TRDN: variants seen among roughly 807,000 people sequenced by gnomAD.
TRDN encodes triadin in skeletal muscle.
A neutral mutation model predicts 149.7 loss-of-function variants in TRDN; 161 were observed. That is an observed-to-expected ratio of 1.08 (90% CI 0.95 to 1.23). The LOEUF is 1.23. Ranked by LOEUF, TRDN falls within the 50% of genes most tolerant of loss-of-function variation. The probability of loss-of-function intolerance (pLI) is 0.00; values close to 1 mark genes in which losing one functional copy is unlikely to be tolerated. For missense variants in TRDN, 896 were observed against 823.5 expected, an observed-to-expected ratio of 1.09 and a Z score of -1.08; for synonymous variants, 294 against 250.5, an observed-to-expected ratio of 1.17 and a Z score of -1.64.
intron 25 of TRDN, 93 bp from the exon 26 acceptor site, chr6:123,278,440 CTA>C: frequency 3.8e-6 from 3 of 799,822 alleles, no homozygotes; most frequent in Middle Eastern, 4.5e-4. Context: ...TAATTATTTT[CTA>C]TGTTATTCAT....
intron 1 of TRDN, among the ~76,000 whole-genome samples, chr6:123,599,192 C>G (rs540270956): frequency 1.1e-4 from 16 of 152,226 alleles, no homozygotes; most frequent in Admixed American, 2.0e-4. Flanking sequence ...CAATGTCTCT[C>G]TGAGGGGAAA....
intron 21 of TRDN, among the ~76,000 whole-genome samples, chr6:123,341,561 C>G (rs1780063606): frequency 6.6e-6 from 1 of 151,610 alleles, no homozygotes; most frequent in South Asian, 2.1e-4. Context: ...AACTGGACAA[C>G]CCAATTAAAA....
At chr6:123,511,741 C>T (rs1040688844) in intron 7 of TRDN, among the ~76,000 whole-genome samples, 1 of 152,126 alleles carries the variant, frequency 6.6e-6, no homozygotes, top group African/African-American at 2.4e-5. Context: ...ATCAAGTTGT[C>T]ACCTAGGCTT....
intron 20 of TRDN, among the ~76,000 whole-genome samples, chr6:123,354,995 C>T (rs1780605396): frequency 6.6e-6 from 1 of 151,752 alleles, no homozygotes; most frequent in South Asian, 2.1e-4. Flanking sequence ...AGTAGTATCA[C>T]ATTTTGGCTT....
At chr6:123,509,007 G>A (rs1186412567) in intron 7 of TRDN, among the ~76,000 whole-genome samples, 1 of 151,640 alleles carries the variant, frequency 6.6e-6, no homozygotes. Context: ...AAAATAAAAA[G>A]CATATACTGT....
intron 10 of TRDN, among the ~76,000 whole-genome samples, chr6:123,443,791 G>A (rs1179066837): frequency 6.8e-6 from 1 of 148,092 alleles, no homozygotes; most frequent in East Asian, 1.9e-4. Flanking sequence ...TTTCCCCATT[G>A]CTTGTTTTTC....
chr6:123,424,428 T>G (rs544121668), intron 12 of TRDN, among the ~76,000 whole-genome samples: 5 of 152,048 alleles, frequency 3.3e-5, no homozygotes, highest in Non-Finnish European at 5.9e-5. Flanking sequence ...TATGTTTTCA[T>G]AGGCCCTCTA....
intron 40 of TRDN, among the ~76,000 whole-genome samples, chr6:123,220,048 G>A (rs1173529456): frequency 1.3e-5 from 2 of 151,852 alleles, no homozygotes; most frequent in Non-Finnish European, 2.9e-5. Context: ...TGAATATCAG[G>A]CTATAGAACT....
intron 8 of TRDN, 71 bp downstream of exon 8, chr6:123,503,648 A>G (rs903795419): frequency 2.5e-6 from 4 of 1,591,534 alleles, no homozygotes; most frequent in Admixed American, 1.8e-5. Flanking sequence ...TCAACTTTTA[A>G]TTTCACTGCA....
rs767382662 is a variant in TRDN at position 123,316,443 on chromosome 6, C to A, written c.1510+14G>T. Reference sequence around the variant, plus strand: ...AACATCTCCTTGTATGTAAATCTTACAAAATATCCTTACCTGCTTTGGACA... The same window carrying A: ...AACATCTCCTTGTATGTAAATCTTAAAAAATATCCTTACCTGCTTTGGACA... On this transcript the variant is annotated intron_variant, in intron 24 of 40. Coordinates refer to ENST00000334268, the MANE Select transcript of TRDN (RefSeq NM_006073.4). 2 of 1,608,970 alleles carry A rather than the reference C, an allele frequency of 1.2e-6. No individual in the cohort carries two copies. The highest frequency in any genetic ancestry group is 1.1e-5 in the South Asian group (1 of 90,922).
chr6:123,570,867 T>C, intron 2 of TRDN, 56 bp downstream of exon 2: 1 of 1,539,084 alleles, frequency 6.5e-7, no homozygotes, highest in Non-Finnish European at 8.9e-7. Flanking sequence ...GAGGGGACAC[T>C]GTTTCTTTCC....
intron 12 of TRDN, among the ~76,000 whole-genome samples, chr6:123,399,292 C>T (rs1772862295): frequency 6.6e-6 from 1 of 152,082 alleles, no homozygotes; most frequent in African/African-American, 2.4e-5. Context: ...AGCATTTCCC[C>T]CTCATGGCAT....
At chr6:123,461,651 G>T (rs539252086) in intron 10 of TRDN, among the ~76,000 whole-genome samples, 1 of 152,268 alleles carries the variant, frequency 6.6e-6, no homozygotes, top group Admixed American at 6.5e-5. Flanking sequence ...CAACTTTTCT[G>T]CCTTCCTTGG....
intron 21 of TRDN, chr6:123,349,542 A>T: frequency 5.6e-6 from 5 of 892,162 alleles, no homozygotes; most frequent in Non-Finnish European, 5.4e-6. Flanking sequence ...TATGCAAATA[A>T]GTTATTTTAA....
intron 9 of TRDN, among the ~76,000 whole-genome samples, chr6:123,495,510 G>C (rs1358831038): frequency 1.5e-5 from 2 of 136,454 alleles, no homozygotes; most frequent in African/African-American, 5.4e-5. Flanking sequence ...CGAGAGTGAG[G>C]CTCTGTCTCA....
At chr6:123,426,636 G>C (rs963973196) in intron 12 of TRDN, among the ~76,000 whole-genome samples, 3 of 152,010 alleles carry the variant, frequency 2.0e-5, no homozygotes, top group African/African-American at 7.2e-5. Flanking sequence ...CTCTACATCA[G>C]CATGGTATCT....
rs576144875 is a variant in TRDN, at chr6:123,377,877, T to G, written c.1208A>C (p.His403Pro). The change falls in exon 17 of 41, where the codon CAT becomes CCT. Residue 403 changes from histidine to proline, a missense_variant. His to Pro is a moderately conservative substitution (Grantham distance 77). Coordinates refer to ENST00000334268, the MANE Select transcript of TRDN (RefSeq NM_006073.4). ...KGKKQEKKEK[H>P]VEPAKSPKKE... Reference sequence around the variant, plus strand: ...TTAAAAACAGTTACCTGGTTCCACATGTTTTTCTTTCTTTTCCTGTTCTGA... The same window carrying G: ...TTAAAAACAGTTACCTGGTTCCACAGGTTTTTCTTTCTTTTCCTGTTCTGA... The G allele has an allele frequency of 1.9e-6, 3 of 1,539,500 alleles. No homozygotes were observed. The highest frequency in any genetic ancestry group is 2.3e-5 in the East Asian group (1 of 42,906).
chr6:123,277,251 T>C (rs1777399379), intron 26 of TRDN, among the ~76,000 whole-genome samples: 1 of 152,128 alleles, frequency 6.6e-6, no homozygotes, highest in African/African-American at 2.4e-5. Flanking sequence ...GAACTATTGA[T>C]TGATAGTTAG....
At position 123,303,410 on chromosome 6, in the gene TRDN, T is replaced by C. The variant is rs544566543; in HGVS notation, c.1510+13047A>G. ...AAGACATAACTCACAGAACAGATAA[T>C]ATAGGAGCTAAGACACAAGGTTAGA... On this transcript the variant is annotated intron_variant, in intron 24 of 40. Transcript: ENST00000334268. Among the ~76,000 whole-genome samples the C allele has an allele frequency of 5.3e-5, 8 of 152,204 alleles. No homozygotes were observed. In the South Asian group the frequency reaches 1.7e-3, roughly 32 times the overall value.
Sources: allele counts gnomAD v4.1 joint callset (sites outside exome capture counted in the v4.1 genomes callset), GRCh38; gene constraint gnomAD v4.1.1; transcripts MANE v1.5; gene names NCBI Gene and HGNC (gene_info 2026-07-23, HGNC 2026-07-21).